The following TPTE2 variants were observed in gnomAD, a reference collection of about 807,000 sequenced individuals.
The protein encoded by TPTE2 is phosphatidylinositol 3,4,5-trisphosphate 3-phosphatase TPTE2.
Under a neutral mutation model 78.6 loss-of-function variants are expected in TPTE2, and 53 were observed. The ratio of observed to expected loss-of-function variants is 0.67; its 90% CI spans 0.54 to 0.85. The LOEUF (loss-of-function observed/expected upper bound fraction) is 0.85, where lower values mean the gene tolerates loss of function less well. Ranked by LOEUF, TPTE2 falls within the 40% of genes least tolerant of loss-of-function variation. TPTE2 has a pLI of 0.00. For missense variants in TPTE2, 461 were observed against 623.0 expected, an observed-to-expected ratio of 0.74 and a Z score of 2.77; for synonymous variants, 175 against 206.2, an observed-to-expected ratio of 0.85 and a Z score of 1.30.
upstream of TPTE2, among the ~76,000 whole-genome samples, chr13:19,539,166 AC>A (rs1374692075): frequency 6.6e-6 from 1 of 152,134 alleles, no homozygotes; most frequent in Non-Finnish European, 1.5e-5. Flanking sequence ...TAAAGGCCCC[AC>A]CTCTCAATAC....
Position 19,454,352 on chromosome 13 carries a change from C to T in TPTE2, c.742-3127G>A, listed in dbSNP as rs371358933. 4.2e-3 allele frequency among the ~76,000 whole-genome samples: 633 copies of T among 152,222 alleles called. 5 individuals carry two copies. The highest frequency in any genetic ancestry group is 0.026 in the South Asian group (125 of 4,826). On this transcript the variant is annotated intron_variant, in intron 10 of 19. Transcript: ENST00000400230. ...TTGAATCTTCTCCCTTTTAGTCAAC[C>T]TTGATTTAATATACTTTGTAGATAC...
chr13:19,435,667 T>C (rs1253658209), intron 15 of TPTE2, among the ~76,000 whole-genome samples: 2 of 152,154 alleles, frequency 1.3e-5, no homozygotes, highest in Non-Finnish European at 2.9e-5. Context: ...AGTGCAATAC[T>C]GTCTGGGATA....
At chr13:19,503,623 C>T (rs1419089728), upstream of TPTE2, among the ~76,000 whole-genome samples, 1 of 152,144 alleles carries the variant, frequency 6.6e-6, no homozygotes, top group Non-Finnish European at 1.5e-5. Flanking sequence ...AATGTGCTGC[C>T]TTGAAAGCCC....
At chr13:19,498,622 T>C (rs4255631) in intron 1 of TPTE2, among the ~76,000 whole-genome samples, 149,555 of 151,818 alleles carry the variant, frequency 0.99, 73,703 homozygotes, top group Middle Eastern at 1. Flanking sequence ...ACCACCAGGC[T>C]TACCCTAAAA....
At chr13:19,552,248 T>C in the TPTE2 span, among the ~76,000 whole-genome samples, 4 of 152,222 alleles carry the variant, frequency 2.6e-5, no homozygotes, top group Non-Finnish European at 5.9e-5. Context: ...TTATTCAATA[T>C]ATAGAAAATT....
intron 1 of TPTE2, among the ~76,000 whole-genome samples, chr13:19,519,348 A>G (rs1198540997): frequency 6.6e-6 from 1 of 152,168 alleles, no homozygotes; most frequent in Admixed American, 6.6e-5. Context: ...AAAAAAAGAA[A>G]TCATTACTAA....
At chr13:19,426,850 A>T (rs1876135271) in intron 17 of TPTE2, among the ~76,000 whole-genome samples, 1 of 151,760 alleles carries the variant, frequency 6.6e-6, no homozygotes, top group Non-Finnish European at 1.5e-5. Context: ...GACTATAGGC[A>T]CAAGCCATCA....
At chr13:19,441,835 T>TTTAGAA (rs1345920861) in intron 13 of TPTE2, among the ~76,000 whole-genome samples, 1 of 152,154 alleles carries the variant, frequency 6.6e-6, no homozygotes, top group African/African-American at 2.4e-5. Flanking sequence ...TAAGTAAATC[T>TTTAGAA]TTAGAATAAC....
chr13:19,536,245 A>G (rs922740563), intron 1 of TPTE2, among the ~76,000 whole-genome samples: 1 of 152,186 alleles, frequency 6.6e-6, no homozygotes, highest in African/African-American at 2.4e-5. Flanking sequence ...TTATGTGCTC[A>G]TTTCCACTCA....
intron 1 of TPTE2, among the ~76,000 whole-genome samples, chr13:19,501,920 GAATCTAC>G (rs1868589831): frequency 1.3e-5 from 2 of 150,872 alleles, no homozygotes; most frequent in African/African-American, 4.9e-5. Context: ...CTAATATCCA[GAATCTAC>G]AATGAACTCA....
intron 14 of TPTE2, among the ~76,000 whole-genome samples, chr13:19,436,526 C>T (rs1310578074): frequency 2.0e-5 from 3 of 152,160 alleles, no homozygotes; most frequent in Admixed American, 2.0e-4. Flanking sequence ...GATTCTACTG[C>T]CTCAGCCTTC....
At chr13:19,460,646 T>C (rs898884879) in intron 10 of TPTE2, among the ~76,000 whole-genome samples, 2 of 152,168 alleles carry the variant, frequency 1.3e-5, no homozygotes, top group Admixed American at 6.5e-5. Flanking sequence ...TCCAGGACAT[T>C]TTCTGGGAAG....
At chr13:19,515,999 G>A (rs563749649) in intron 1 of TPTE2, among the ~76,000 whole-genome samples, 16 of 152,320 alleles carry the variant, frequency 1.1e-4, no homozygotes, top group African/African-American at 3.6e-4. Flanking sequence ...TTGATAAGCT[G>A]CTTTGGGGCA....
At chr13:19,544,764 G>A in the TPTE2 span, among the ~76,000 whole-genome samples, 1 of 152,242 alleles carries the variant, frequency 6.6e-6, no homozygotes, top group East Asian at 1.9e-4. Flanking sequence ...TGGGCATGGT[G>A]GCATGCGCCT....
intron 4 of TPTE2, among the ~76,000 whole-genome samples, chr13:19,476,332 C>T (rs1438958060): frequency 6.6e-6 from 1 of 151,258 alleles, no homozygotes; most frequent in African/African-American, 2.4e-5. Context: ...CCTACTGAAG[C>T]CTCCTGTGTT....
upstream of TPTE2, among the ~76,000 whole-genome samples, chr13:19,541,645 T>C (rs9508440): frequency 0.6 from 91,202 of 152,148 alleles, 32,123 homozygotes; most frequent in East Asian, 0.88. Flanking sequence ...AGATTTATTT[T>C]TTAAAAAATT....
At chr13:19,479,920 T>C (rs191103772) in intron 4 of TPTE2, among the ~76,000 whole-genome samples, 87 of 149,136 alleles carry the variant, frequency 5.8e-4, no homozygotes, top group Middle Eastern at 6.8e-3. Flanking sequence ...CTGAGTGGTG[T>C]CACTGCACTC....
At chr13:19,452,453 G>A (rs1816173980) in intron 10 of TPTE2, among the ~76,000 whole-genome samples, 1 of 152,076 alleles carries the variant, frequency 6.6e-6, no homozygotes, top group African/African-American at 2.4e-5. Flanking sequence ...TGCCTAGTAT[G>A]ATAAATTAAT....
At chr13:19,501,001 CCAA>C (rs1172892261) in intron 1 of TPTE2, among the ~76,000 whole-genome samples, 1 of 122,228 alleles carries the variant, frequency 8.2e-6, no homozygotes, top group African/African-American at 3.2e-5. Context: ...TTCTTATACA[CCAA>C]CAACAGACAA....
Sources: gnomAD v4.1 joint callset for allele counts (sites outside exome capture counted in the v4.1 genomes callset) on GRCh38, gnomAD v4.1.1 for gene constraint, MANE v1.5 for transcripts, NCBI Gene and HGNC (gene_info 2026-07-23, HGNC 2026-07-21) for gene names.